Variants in NECAB1 observed in about 807,000 individuals in gnomAD.
NECAB1 encodes the protein N-terminal EF-hand calcium binding protein 1, also known as N-terminal EF-hand calcium-binding protein 1.
A neutral mutation model predicts 57.5 loss-of-function variants in NECAB1; 29 were observed. The ratio of observed to expected loss-of-function variants is 0.50; its 90% CI spans 0.38 to 0.69. The LOEUF (loss-of-function observed/expected upper bound fraction) is 0.69, where lower values mean the gene tolerates loss of function less well. Ranked by LOEUF, NECAB1 falls within the 30% of genes least tolerant of loss-of-function variation. The probability of loss-of-function intolerance (pLI) is 0.00; values close to 1 mark genes in which losing one functional copy is unlikely to be tolerated. For synonymous variants in NECAB1, 142 were observed against 147.7 expected (o/e 0.96, Z 0.28); for missense variants, 372 against 413.8 (o/e 0.90, Z 0.88).
At chr8:90,822,556 A>G (rs2129701446) in intron 2 of NECAB1, among the ~76,000 whole-genome samples, 1 of 151,916 alleles carries the variant, frequency 6.6e-6, no homozygotes, top group African/African-American at 2.4e-5. Flanking sequence ...TTTCTAAATA[A>G]AAGTCTTTTA....
intron 5 of NECAB1, among the ~76,000 whole-genome samples, chr8:90,908,552 CCTAT>C (rs1194945547): frequency 6.6e-6 from 1 of 152,030 alleles, no homozygotes; most frequent in Non-Finnish European, 1.5e-5. Context: ...TTTTACAGCC[CCTAT>C]CTGTCTACTC....
At chr8:90,872,081 A>G in intron 3 of NECAB1, 47 bp from the exon 4 acceptor site, 2 of 1,453,994 alleles carry the variant, frequency 1.4e-6, no homozygotes, top group Non-Finnish European at 1.9e-6. Flanking sequence ...GTAGTTAAAA[A>G]TATTACCAAA....
chr8:90,893,718 C>T (rs1354176172), intron 5 of NECAB1, among the ~76,000 whole-genome samples: 1 of 152,150 alleles, frequency 6.6e-6, no homozygotes, highest in Non-Finnish European at 1.5e-5. Context: ...TCCAGCAGTG[C>T]AGGAGGCAAT....
chr8:90,875,883 G>C (rs1023689215), intron 4 of NECAB1, among the ~76,000 whole-genome samples: 2 of 149,590 alleles, frequency 1.3e-5, no homozygotes, highest in Non-Finnish European at 3.0e-5. Context: ...GGTGGCAGGC[G>C]CCTGTAGTCC....
At chr8:90,804,225 C>T (rs1476569630) in intron 2 of NECAB1, among the ~76,000 whole-genome samples, 1 of 152,056 alleles carries the variant, frequency 6.6e-6, no homozygotes, top group Non-Finnish European at 1.5e-5. Context: ...TTTGTGACAA[C>T]ATGAATGGAA....
chr8:90,940,723 G>T, intron 9 of NECAB1, 63 bp from the exon 10 acceptor site: 1 of 1,209,636 alleles, frequency 8.3e-7, no homozygotes, highest in Non-Finnish European at 1.2e-6. Context: ...ATGGGCAGTA[G>T]GAGTCAGCTT....
At chr8:90,941,451 G>A (rs1329971907) in intron 10 of NECAB1, among the ~76,000 whole-genome samples, 1 of 152,094 alleles carries the variant, frequency 6.6e-6, no homozygotes, top group Non-Finnish European at 1.5e-5. Flanking sequence ...CTCAGGCTTC[G>A]GATATCTCAA....
At chr8:90,888,660 G>GT (rs2129932918) in intron 5 of NECAB1, among the ~76,000 whole-genome samples, 1 of 152,238 alleles carries the variant, frequency 6.6e-6, no homozygotes, top group East Asian at 1.9e-4. Flanking sequence ...GAATTAATTA[G>GT]TTTTGGCAAA....
chr8:90,946,008 T>C (rs1310749779), intron 10 of NECAB1, among the ~76,000 whole-genome samples: 1 of 152,254 alleles, frequency 6.6e-6, no homozygotes. Context: ...AAGCTAATCA[T>C]TCAAGCCCTA....
At chr8:90,861,173 A>G (rs575850590) in intron 3 of NECAB1, among the ~76,000 whole-genome samples, 72 of 152,244 alleles carry the variant, frequency 4.7e-4, no homozygotes, top group African/African-American at 1.7e-3. Context: ...TCCATGTCCA[A>G]GGAGAATTAA....
chr8:90,876,139 G>A (rs1192917046), intron 4 of NECAB1, among the ~76,000 whole-genome samples: 4 of 152,180 alleles, frequency 2.6e-5, no homozygotes, highest in Admixed American at 2.0e-4. Flanking sequence ...CACCCAGGCT[G>A]CAGAGATTGG....
At position 90,802,624 on chromosome 8, in the gene NECAB1, A is replaced by T. The variant is rs538583043; in HGVS notation, c.124+909A>T. On this transcript the variant is annotated intron_variant, in intron 2 of 12. Coordinates refer to ENST00000417640, the MANE Select transcript of NECAB1 (RefSeq NM_022351.5). ...AGAGTCCAGATCTGACAGTTTAAAG[A>T]CATATGTTGTGGTCTATTTTACCCT... Among the ~76,000 whole-genome samples, 12 of 152,304 alleles carry T rather than the reference A, an allele frequency of 7.9e-5. No homozygotes were observed. In the South Asian group the frequency reaches 2.5e-3, roughly 32 times the overall value.
At chr8:90,792,048 AG>A in intron 1 of NECAB1, 63 bp downstream of exon 1, 1 of 1,375,134 alleles carries the variant, frequency 7.3e-7, no homozygotes, top group East Asian at 2.5e-5. Context: ...CCCGAAAGGA[AG>A]GGGTTCGGCT....
intron 2 of NECAB1, among the ~76,000 whole-genome samples, chr8:90,818,075 A>G (rs1812087476): frequency 6.6e-6 from 1 of 151,646 alleles, no homozygotes; most frequent in African/African-American, 2.4e-5. Flanking sequence ...AATTATGGAC[A>G]TAGAGTTGTT....
chr8:90,829,305 G>T (rs1812268772), intron 3 of NECAB1, among the ~76,000 whole-genome samples: 1 of 151,628 alleles, frequency 6.6e-6, no homozygotes, highest in Non-Finnish European at 1.5e-5. Context: ...AAACTTCCAT[G>T]GTTCCTCAAA....
intron 5 of NECAB1, among the ~76,000 whole-genome samples, chr8:90,889,250 C>T (rs1809090212): frequency 6.6e-6 from 1 of 152,152 alleles, no homozygotes; most frequent in East Asian, 1.9e-4. Context: ...TCCTAATCTT[C>T]TTGGGGTAGA....
intron 1 of NECAB1, among the ~76,000 whole-genome samples, chr8:90,796,135 C>T (rs1253071958): frequency 6.6e-6 from 1 of 152,190 alleles, no homozygotes; most frequent in East Asian, 1.9e-4. Context: ...TCTTTCAGTG[C>T]CTGCTTCCCC....
At chr8:90,836,900 T>C (rs183496392) in intron 3 of NECAB1, among the ~76,000 whole-genome samples, 3 of 152,370 alleles carry the variant, frequency 2.0e-5, no homozygotes, top group African/African-American at 7.2e-5. Context: ...TCATGGAGGC[T>C]GATGTTTTGC....
chr8:90,828,351 AACCAAACTACCTGT>A, intron 3 of NECAB1, among the ~76,000 whole-genome samples: 2 of 152,166 alleles, frequency 1.3e-5, no homozygotes, highest in South Asian at 4.1e-4. Flanking sequence ...TGCATTTCAA[AACCAAACTACCTGT>A]ATCAACCACA....
Sources: gnomAD v4.1 joint callset for allele counts (sites outside exome capture counted in the v4.1 genomes callset) on GRCh38, gnomAD v4.1.1 for gene constraint, MANE v1.5 for transcripts, NCBI Gene and HGNC (gene_info 2026-07-23, HGNC 2026-07-21) for gene names.